The following ARIH2 variants were observed in gnomAD, a reference collection of about 807,000 sequenced individuals.
The protein encoded by ARIH2 is ariadne RBR E3 ubiquitin protein ligase 2, also known as E3 ubiquitin-protein ligase ARIH2.
ARIH2 carries 12 observed loss-of-function variants against 79.8 expected under a neutral mutation model. That is an observed-to-expected ratio of 0.15 (90% CI 0.10 to 0.24). The LOEUF is 0.24. Ranked by LOEUF, ARIH2 falls within the 10% of genes least tolerant of loss-of-function variation. The probability of loss-of-function intolerance (pLI) is 1.00; values close to 1 mark genes in which losing one functional copy is unlikely to be tolerated. For missense variants in ARIH2, 301 were observed against 618.3 expected (o/e 0.49, Z 5.44); for synonymous variants, 224 against 213.9 (o/e 1.05, Z -0.41).
At chr3:48,922,235 A>C (rs925651945) in intron 1 of ARIH2, 1 of 152,168 alleles carries the variant, frequency 6.6e-6, no homozygotes, top group Non-Finnish European at 1.5e-5. Context: ...AACAAACAAA[A>C]AAAAGAAGTG....
At chr3:48,928,623 C>G (rs2106940601) in intron 3 of ARIH2, among the ~76,000 whole-genome samples, 1 of 152,122 alleles carries the variant, frequency 6.6e-6, no homozygotes, top group East Asian at 1.9e-4. Flanking sequence ...CAAAAGGGCA[C>G]CTTGGCATGA....
intron 13 of ARIH2, among the ~76,000 whole-genome samples, chr3:48,981,069 C>T (rs1461977089): frequency 1.4e-5 from 2 of 147,022 alleles, no homozygotes; most frequent in African/African-American, 5.1e-5. Flanking sequence ...GTGTCTCACG[C>T]CTATGATCCC....
At chr3:48,921,369 T>A (rs2084787212) in intron 1 of ARIH2, 1 of 146,280 alleles carries the variant, frequency 6.8e-6, no homozygotes, top group Non-Finnish European at 1.5e-5. Flanking sequence ...CTTTTTTTTT[T>A]GGAGGAGCCT....
At chr3:48,919,249 A>T in intron 1 of ARIH2, 1 of 1,228,704 alleles carries the variant, frequency 8.1e-7, no homozygotes, top group Non-Finnish European at 1.0e-6. Context: ...GCCTCTGACC[A>T]ACCGGCGCCG....
intron 3 of ARIH2, among the ~76,000 whole-genome samples, chr3:48,940,523 G>T (rs1364210204): frequency 6.6e-6 from 1 of 151,786 alleles, no homozygotes; most frequent in African/African-American, 2.4e-5. Flanking sequence ...CTAAATGGAG[G>T]GACCGGCTGA....
chr3:48,976,630 T>G (rs1298539955), intron 11 of ARIH2, among the ~76,000 whole-genome samples: 1 of 152,216 alleles, frequency 6.6e-6, no homozygotes, highest in Non-Finnish European at 1.5e-5. Flanking sequence ...GGCCACATTC[T>G]TTCGCTCTCT....
intron 5 of ARIH2, among the ~76,000 whole-genome samples, chr3:48,965,451 G>A (rs1039273111): frequency 2.0e-5 from 3 of 152,148 alleles, no homozygotes; most frequent in Non-Finnish European, 4.4e-5. Flanking sequence ...GTTATGGTTT[G>A]AAAAGTTTCC....
At chr3:48,928,615 A>G (rs777863990) in intron 3 of ARIH2, among the ~76,000 whole-genome samples, 8 of 152,230 alleles carry the variant, frequency 5.3e-5, no homozygotes, top group Non-Finnish European at 8.8e-5. Flanking sequence ...TTGGAGGTCA[A>G]AAGGGCACCT....
At chr3:48,953,565 C>A (rs1473531698) in intron 3 of ARIH2, among the ~76,000 whole-genome samples, 1 of 151,838 alleles carries the variant, frequency 6.6e-6, no homozygotes, top group Non-Finnish European at 1.5e-5. Flanking sequence ...CAACGCCCGG[C>A]TAATTATTTG....
intron 7 of ARIH2, among the ~76,000 whole-genome samples, chr3:48,969,518 A>C (rs2092043095): frequency 7.2e-6 from 1 of 137,970 alleles, no homozygotes. Context: ...ACAGGGTTTT[A>C]CTCTGTCATC....
chr3:48,927,421 A>G, intron 2 of ARIH2, 41 bp from the exon 3 acceptor site: 4 of 1,082,308 alleles, frequency 3.7e-6, no homozygotes, highest in Non-Finnish European at 5.2e-6. Flanking sequence ...ACAACTTGTC[A>G]TGGGGAAAAA....
intron 7 of ARIH2, among the ~76,000 whole-genome samples, 199 bp from the exon 8 acceptor site, chr3:48,970,396 C>A (rs914616457): frequency 2.6e-5 from 4 of 152,168 alleles, no homozygotes; most frequent in Admixed American, 1.3e-4. Context: ...TGAGTTGCTA[C>A]CTGGTTTAAG....
intron 1 of ARIH2, chr3:48,921,474 G>C (rs1328650644): frequency 8.6e-6 from 1 of 116,514 alleles, no homozygotes; most frequent in Non-Finnish European, 1.7e-5. Context: ...TCACTGTGTT[G>C]CCCAGGCTGG....
chr3:48,978,104 C>T (rs911115380), intron 11 of ARIH2, among the ~76,000 whole-genome samples: 18 of 152,106 alleles, frequency 1.2e-4, no homozygotes, highest in African/African-American at 4.1e-4. Flanking sequence ...GCAGCCTTGA[C>T]ACAGATATAA....
chr3:48,956,406 TG>T (rs1347967050), intron 3 of ARIH2, among the ~76,000 whole-genome samples: 2 of 142,882 alleles, frequency 1.4e-5, no homozygotes, highest in African/African-American at 2.6e-5. Context: ...CCCAAAGTGC[TG>T]GGGTTACAGA....
intron 3 of ARIH2, among the ~76,000 whole-genome samples, chr3:48,944,480 T>C (rs1236488541): frequency 1.3e-5 from 2 of 152,144 alleles, no homozygotes; most frequent in African/African-American, 2.4e-5. Flanking sequence ...TGTTTATTAA[T>C]CAGACTTAAA....
rs762611632 is a variant in ARIH2 at position 48,927,642 on chromosome 3, A to C, written c.84A>C (p.Glu28Asp). Residue 28 changes from glutamate (E) to aspartate (D), a missense_variant, in exon 3 of 16, where the codon GAA becomes GAC. Glu to Asp is a conservative substitution (Grantham distance 45). Coordinates refer to ENST00000356401, the MANE Select transcript of ARIH2 (RefSeq NM_006321.4). ...DPNCEEEEEE[E>D]EDDPGDIEDY... The stretch of plus-strand genomic sequence containing the variant: ...ATTGTGAGGAAGAGGAAGAAGAAGA[A>C]GAAGACGACCCTGGGGACATAGAGG... 8 of 1,613,898 alleles carry C rather than the reference A, an allele frequency of 5.0e-6. No homozygotes were observed. Among genetic ancestry groups the C allele is most frequent in the Non-Finnish European group, 5.9e-6 (7 of 1,179,876 alleles).
At chr3:48,948,134 T>A (rs2089453268) in intron 3 of ARIH2, among the ~76,000 whole-genome samples, 1 of 149,508 alleles carries the variant, frequency 6.7e-6, no homozygotes, top group African/African-American at 2.5e-5. Flanking sequence ...CTAATTTTTT[T>A]ATATTTTTAG....
intron 5 of ARIH2, among the ~76,000 whole-genome samples, chr3:48,965,539 A>C (rs979289547): frequency 6.6e-6 from 1 of 151,898 alleles, no homozygotes; most frequent in Non-Finnish European, 1.5e-5. Context: ...TTCAGCCTGC[A>C]CTCCATTCCT....
Sources: allele counts gnomAD v4.1 joint callset (sites outside exome capture counted in the v4.1 genomes callset), GRCh38; gene constraint gnomAD v4.1.1; transcripts MANE v1.5; gene names NCBI Gene and HGNC (gene_info 2026-07-23, HGNC 2026-07-21).